SBNO2: variants seen among roughly 807,000 people sequenced by gnomAD.
SBNO2 encodes protein strawberry notch homolog 2.
A neutral mutation model predicts 146.3 loss-of-function variants in SBNO2; 89 were observed. That is an observed-to-expected ratio of 0.61 (90% CI 0.51 to 0.73). The LOEUF (loss-of-function observed/expected upper bound fraction) is 0.73. Ranked by LOEUF, SBNO2 falls within the 30% of genes least tolerant of loss-of-function variation. The pLI, the probability that SBNO2 is intolerant of heterozygous loss-of-function variation, is 0.00. For missense variants in SBNO2, 2,092 were observed against 2,003.7 expected (o/e 1.04, Z -0.84); for synonymous variants, 1,147 against 892.6 (o/e 1.29, Z -5.08).
intron 1 of SBNO2, among the ~76,000 whole-genome samples, chr19:1,159,072 G>A (rs563614884): frequency 1.9e-4 from 29 of 151,680 alleles, no homozygotes; most frequent in Admixed American, 8.5e-4. Flanking sequence ...TGCAACCGCC[G>A]CCCCACAGCC....
chr19:1,128,772 C>T (rs944868438), intron 4 of SBNO2, among the ~76,000 whole-genome samples: 1 of 151,160 alleles, frequency 6.6e-6, no homozygotes, highest in Non-Finnish European at 1.5e-5. Context: ...GTTCAAGATT[C>T]GCCTGGACAA....
chr19:1,147,512 C>T (rs1006263886), intron 3 of SBNO2, 92 bp from the exon 4 acceptor site: 26 of 671,468 alleles, frequency 3.9e-5, no homozygotes, highest in Non-Finnish European at 6.0e-5. Context: ...CAGCCAGAGG[C>T]CCCTCGAGGC....
At chr19:1,160,293 C>A (rs548944400) in intron 1 of SBNO2, among the ~76,000 whole-genome samples, 59 of 152,222 alleles carry the variant, frequency 3.9e-4, no homozygotes, top group Admixed American at 7.9e-4. Context: ...ATGGGCAGCC[C>A]CCCACCCACT....
In SBNO2 at chr19:1,144,903, C is replaced by G. The variant is rs12985686; in HGVS notation, c.279+2406G>C. Among the ~76,000 whole-genome samples, 235 of 105,042 alleles carry G rather than the reference C, an allele frequency of 2.2e-3. 1 individual carries two copies. Among genetic ancestry groups the G allele is most frequent in the African/African-American group, 0.013 (226 of 17,764 alleles). The allele number at this position is 105,042 out of a possible 152,430, so 68.9% of individuals were successfully genotyped here. Reference sequence around the variant, plus strand: ...AGAGAGGGAGACAGAGAGACAGAGGCGGAGATGGAGACAGAGACAGAGAGA... The same window carrying G: ...AGAGAGGGAGACAGAGAGACAGAGGGGGAGATGGAGACAGAGACAGAGAGA... On this transcript the variant is annotated intron_variant, in intron 4 of 31. Coordinates refer to ENST00000361757, the MANE Select transcript of SBNO2 (RefSeq NM_014963.3). This position sits in a 1 kb window ranked among gnomAD's most constrained non-coding sequence, Gnocchi z 4.1.
rs2145303756 is a variant in SBNO2, at chr19:1,149,426, C to A, written c.110G>T (p.Cys37Phe). The A allele has an allele frequency of 6.4e-7, 1 of 1,552,204 alleles. No individual in the cohort carries two copies. The stretch of plus-strand genomic sequence containing the variant: ...CAGCGAGAAGGTGTTCCAGTAGGGG[C>A]AGTGCAGCATGGCGCTCTAGAAGAG... ...PPPLQSAMLHCPYWNTFSLPP... is the reference protein window; with the variant it reads ...PPPLQSAMLHFPYWNTFSLPP... The change falls in exon 3 of 32, where the codon TGC becomes TTC. Residue 37 changes from cysteine (C) to phenylalanine (F), a missense_variant. Coordinates refer to ENST00000361757, the MANE Select transcript of SBNO2 (RefSeq NM_014963.3).
Position 1,109,389 on chromosome 19 carries a change from T to C in SBNO2, c.3251A>G (p.Glu1084Gly). 1 of 1,570,950 alleles carries C rather than the reference T, an allele frequency of 6.4e-7. No homozygotes were observed. The highest frequency in any genetic ancestry group is 8.6e-7 in the Non-Finnish European group (1 of 1,159,156). ...RGNKPSCLLA[E>G]QNRGQFFTVY... ...CGTGAAGAACTGGCCGCGGTTCTGC[T>C]CCGCCAGCAGGCAGCTGGGCTTGTT... Residue 1084 changes from glutamate (E) to glycine (G), a missense_variant, in exon 29 of 32, where the codon GAG (glutamate) becomes GGG (glycine). Transcript: ENST00000361757. This position sits in a 1 kb window ranked among gnomAD's most constrained non-coding sequence, Gnocchi z 4.2.
At chr19:1,147,024 G>T (rs556786556) in intron 4 of SBNO2, among the ~76,000 whole-genome samples, 1 of 152,120 alleles carries the variant, frequency 6.6e-6, no homozygotes, top group Non-Finnish European at 1.5e-5. Context: ...TCCCAGCACC[G>T]CCCTCCCCGC....
chr19:1,111,383 G>C (rs1227580463), intron 24 of SBNO2, 123 bp downstream of exon 24: 8 of 763,418 alleles, frequency 1.0e-5, no homozygotes, highest in Non-Finnish European at 1.7e-5. Flanking sequence ...CTCTCTGTCC[G>C]TGTGTGGGGA....
Position 1,144,960 on chromosome 19 carries a change from GGAGACA to G in SBNO2, c.279+2343_279+2348del, listed in dbSNP as rs560522150. 1.2e-4 allele frequency among the ~76,000 whole-genome samples: 18 copies of G among 149,502 alleles called. No homozygotes were observed. The highest frequency in any genetic ancestry group is 4.3e-4 in the South Asian group (2 of 4,682). ...CAGAGAGGGAGACAGAGACAAAGAG[GGAGACA>G]GAGACAGAGACTGAGAGGGAGACAG... On this transcript the variant is annotated intron_variant, in intron 4 of 31. Coordinates refer to ENST00000361757, the MANE Select transcript of SBNO2 (RefSeq NM_014963.3). This position sits in a 1 kb window ranked among gnomAD's most constrained non-coding sequence, Gnocchi z 4.1.
chr19:1,120,398 G>A (rs1233941429), intron 11 of SBNO2, among the ~76,000 whole-genome samples: 1 of 152,174 alleles, frequency 6.6e-6, no homozygotes, highest in Non-Finnish European at 1.5e-5. Flanking sequence ...ACAGGGTCTT[G>A]CTCTGTCACC....
intron 4 of SBNO2, among the ~76,000 whole-genome samples, chr19:1,146,137 A>C (rs1192477955): frequency 6.6e-6 from 1 of 152,098 alleles, no homozygotes; most frequent in African/African-American, 2.4e-5. Context: ...CTTGTGCTGG[A>C]TTTCAGAGCT....
chr19:1,171,556 CTGGGAGGGGGCCTCT>C (rs1295243240), intron 1 of SBNO2, among the ~76,000 whole-genome samples: 1 of 152,184 alleles, frequency 6.6e-6, no homozygotes, highest in Non-Finnish European at 1.5e-5. Context: ...TGGGGGCCCC[CTGGGAGGGGGCCTCT>C]GGGAGCCGGA....
At chr19:1,143,493 T>C (rs993110031) in intron 4 of SBNO2, among the ~76,000 whole-genome samples, 1 of 152,036 alleles carries the variant, frequency 6.6e-6, no homozygotes, top group Admixed American at 6.6e-5. Context: ...ATTAAAAAAA[T>C]ATATAAATGA....
rs111797434 is a variant in SBNO2 at position 1,158,073 on chromosome 19, C to T, written c.-126-3671G>A. On this transcript the variant is annotated intron_variant, in intron 1 of 31. Coordinates refer to ENST00000361757, the MANE Select transcript of SBNO2 (RefSeq NM_014963.3). This position sits in a 1 kb window ranked among gnomAD's most constrained non-coding sequence, Gnocchi z 9.9. ...AGTCCGGGTAACTGCGGCCGCCTCC[C>T]GCCTCTTTCTTCTGAGCCTGCTGAA... Among the ~76,000 whole-genome samples, 237 of 150,790 alleles carry T rather than the reference C, an allele frequency of 1.6e-3. 2 individuals carry two copies. The highest frequency in any genetic ancestry group is 5.5e-3 in the African/African-American group (228 of 41,450).
chr19:1,113,429 C>G, intron 19 of SBNO2, 106 bp downstream of exon 19: 2 of 1,033,462 alleles, frequency 1.9e-6, no homozygotes, highest in Non-Finnish European at 2.7e-6. Context: ...GCCGCGGAGA[C>G]GCAGAGTGAC....
intron 19 of SBNO2, 131 bp from the exon 20 acceptor site, chr19:1,113,080 C>T: frequency 1.8e-6 from 2 of 1,115,058 alleles, no homozygotes; most frequent in East Asian, 2.7e-5. Flanking sequence ...GGTGGGGGTG[C>T]TGGGAAAGGG....
intron 1 of SBNO2, among the ~76,000 whole-genome samples, chr19:1,171,161 G>A (rs571531923): frequency 1.3e-5 from 2 of 151,404 alleles, no homozygotes; most frequent in South Asian, 2.1e-4. Context: ...AAACACACGC[G>A]TATGAAACAC....
chr19:1,134,637 G>T (rs1192933821), intron 4 of SBNO2, among the ~76,000 whole-genome samples: 1 of 152,204 alleles, frequency 6.6e-6, no homozygotes, highest in Non-Finnish European at 1.5e-5. Flanking sequence ...TTATCAGGGG[G>T]TGGGGATGGG....
At chr19:1,141,719 C>G (rs985397177) in intron 4 of SBNO2, among the ~76,000 whole-genome samples, 2 of 152,100 alleles carry the variant, frequency 1.3e-5, no homozygotes, top group Non-Finnish European at 2.9e-5. Context: ...TCAAGCGATC[C>G]TCATGCCTCA....
Sources: allele counts gnomAD v4.1 joint callset (sites outside exome capture counted in the v4.1 genomes callset), GRCh38; gene constraint gnomAD v4.1.1; non-coding constraint Gnocchi (gnomAD v3.1); transcripts MANE v1.5; gene names NCBI Gene and HGNC (gene_info 2026-07-23, HGNC 2026-07-21).